The following DLGAP4 variants were observed in gnomAD, a reference collection of about 807,000 sequenced individuals.
DLGAP4 encodes the protein disks large-associated protein 4.
DLGAP4 carries 18 observed loss-of-function variants against 86.9 expected under a neutral mutation model. The observed-to-expected ratio is 0.21, with a 90% CI of 0.14 to 0.31. The LOEUF (loss-of-function observed/expected upper bound fraction) is 0.31, where lower values mean the gene tolerates loss of function less well. Ranked by LOEUF, DLGAP4 falls within the 10% of genes least tolerant of loss-of-function variation. The pLI is 1.00. For missense variants in DLGAP4, 1,085 were observed against 1,362.6 expected (o/e 0.80, Z 3.21); for synonymous variants, 548 against 574.3 (o/e 0.95, Z 0.65).
chr20:36,467,070 C>CTT, intron 7 of DLGAP4, among the ~76,000 whole-genome samples: 1 of 137,210 alleles, frequency 7.3e-6, no homozygotes, highest in African/African-American at 2.7e-5. Context: ...CTCTCCCCCC[C>CTT]CCTTCTCTCG....
intron 7 of DLGAP4, chr20:36,461,472 A>C: frequency 1.0e-6 from 1 of 980,884 alleles, no homozygotes; most frequent in African/African-American, 1.8e-5. Flanking sequence ...TCGGGCGTAC[A>C]AAACCGGAGC....
At chr20:36,363,810 A>G (rs1555894415) in intron 1 of DLGAP4, among the ~76,000 whole-genome samples, 1 of 152,180 alleles carries the variant, frequency 6.6e-6, no homozygotes, top group African/African-American at 2.4e-5. Context: ...CATTTATTCA[A>G]TCAACAAACA....
At chr20:36,452,588 C>T in intron 7 of DLGAP4, among the ~76,000 whole-genome samples, 1 of 151,402 alleles carries the variant, frequency 6.6e-6, no homozygotes, top group Non-Finnish European at 1.5e-5. Context: ...CAACTCACTG[C>T]AATCTCCACT....
intron 1 of DLGAP4, among the ~76,000 whole-genome samples, chr20:36,320,975 G>A (rs548032242): frequency 6.6e-6 from 1 of 152,348 alleles, no homozygotes; most frequent in East Asian, 1.9e-4. Flanking sequence ...CAGCAAACGA[G>A]GATTTGAGCC....
At chr20:36,480,796 A>G (rs185706830) in intron 7 of DLGAP4, among the ~76,000 whole-genome samples, 60 of 152,324 alleles carry the variant, frequency 3.9e-4, no homozygotes, top group African/African-American at 1.4e-3. Context: ...GCTTAAGCCC[A>G]GGAGTTCTAG....
At chr20:36,485,351 C>CAAAAAAA (rs548217372) in intron 7 of DLGAP4, among the ~76,000 whole-genome samples, 1 of 75,756 alleles carries the variant, frequency 1.3e-5, no homozygotes, top group Non-Finnish European at 3.0e-5. Flanking sequence ...GACCCTGTCC[C>CAAAAAAA]AAAAAAAAAA....
In DLGAP4 at chr20:36,311,293, C is replaced by T. The variant is rs981174733; in HGVS notation, c.-304+4781C>T. On this transcript the variant is annotated intron_variant, in intron 1 of 12. Transcript: ENST00000339266. ...CACTGGGTCCTTGCAGGGAGGGCAG[C>T]GTTTAGGGGCTTCTCACTTGCAGAT... 7.3e-3 allele frequency among the ~76,000 whole-genome samples: 1,114 copies of T among 152,118 alleles called. 17 individuals are homozygous for T. Among genetic ancestry groups the T allele is most frequent in the African/African-American group, 0.026 (1,062 of 41,428 alleles).
intron 7 of DLGAP4, among the ~76,000 whole-genome samples, chr20:36,471,214 C>T (rs1002710445): frequency 6.6e-6 from 1 of 152,254 alleles, no homozygotes; most frequent in East Asian, 1.9e-4. Flanking sequence ...CCTTGCCGGG[C>T]GCGATGGCTC....
chr20:36,467,029 T>TCTCC (rs2034420739), intron 7 of DLGAP4, among the ~76,000 whole-genome samples: 5 of 103,170 alleles, frequency 4.8e-5, no homozygotes, highest in African/African-American at 2.1e-4. Context: ...TCTCTCTCTC[T>TCTCC]CTCTCTCTCT....
At position 36,496,744 on chromosome 20, in the gene DLGAP4, C is replaced by T. The variant is rs2035905196; in HGVS notation, c.1688C>T (p.Pro563Leu). The change falls in exon 8 of 13, where the codon CCG (proline) becomes CTG (leucine). Residue 563 changes from proline (P) to leucine (L), a missense_variant. Around this residue, in one of 2 missense-constraint regions of DLGAP4, gnomAD observed 1,082 missense variants for 1,344.1 expected, o/e 0.81. Transcript: ENST00000339266. ...CLVAYKKTPP[P>L]VPPRTTSKPF... is the part of the protein sequence containing the mutation. Reference sequence around the variant, plus strand: ...GTGGCGTATAAGAAGACCCCGCCACCGGTCCCTCCACGCACCACTTCAAAG... The same window carrying T: ...GTGGCGTATAAGAAGACCCCGCCACTGGTCCCTCCACGCACCACTTCAAAG... 6.8e-6 allele frequency: 11 copies of T among 1,609,190 alleles called. No individual in the cohort carries two copies. Among genetic ancestry groups the T allele is most frequent in the Non-Finnish European group, 8.5e-6 (10 of 1,175,850 alleles).
intron 10 of DLGAP4, among the ~76,000 whole-genome samples, chr20:36,509,595 A>AATC (rs1402264853): frequency 6.6e-6 from 1 of 151,456 alleles, no homozygotes; most frequent in Non-Finnish European, 1.5e-5. Flanking sequence ...TAATAATAAT[A>AATC]ATAAATTAGC....
chr20:36,469,221 C>A (rs767796176), intron 7 of DLGAP4, among the ~76,000 whole-genome samples: 1 of 152,158 alleles, frequency 6.6e-6, no homozygotes, highest in African/African-American at 2.4e-5. Context: ...CACTGACAGA[C>A]AGAGCTGCCT....
chr20:36,334,278 G>C (rs1555891872), intron 1 of DLGAP4, among the ~76,000 whole-genome samples: 4 of 152,170 alleles, frequency 2.6e-5, no homozygotes, highest in Non-Finnish European at 5.9e-5. Flanking sequence ...GACTTTTCAG[G>C]GGGTATTACT....
intron 7 of DLGAP4, among the ~76,000 whole-genome samples, chr20:36,452,210 C>T (rs1396249210): frequency 6.6e-6 from 1 of 151,992 alleles, no homozygotes; most frequent in East Asian, 1.9e-4. Context: ...ACAGGATCTC[C>T]ATGTGTCACC....
intron 2 of DLGAP4, among the ~76,000 whole-genome samples, chr20:36,417,202 G>A (rs940634206): frequency 6.6e-6 from 1 of 152,134 alleles, no homozygotes; most frequent in African/African-American, 2.4e-5. Flanking sequence ...GTTTAATCAG[G>A]GATCTAAATC....
chr20:36,364,988 A>T (rs1477382497), intron 1 of DLGAP4, among the ~76,000 whole-genome samples: 8 of 152,124 alleles, frequency 5.3e-5, no homozygotes, highest in Non-Finnish European at 1.0e-4. Flanking sequence ...CCAGCTACTC[A>T]GGAGGCTGAG....
chr20:36,362,209 G>A (rs1158489129), intron 1 of DLGAP4, among the ~76,000 whole-genome samples: 2 of 151,386 alleles, frequency 1.3e-5, no homozygotes, highest in Non-Finnish European at 2.9e-5. Context: ...GCAGTGAGCC[G>A]AGATCACACC....
chr20:36,472,721 T>G (rs921774584), intron 7 of DLGAP4, among the ~76,000 whole-genome samples: 8 of 152,072 alleles, frequency 5.3e-5, no homozygotes, highest in Non-Finnish European at 7.4e-5. Context: ...AAAGTTTCAC[T>G]TTGGGGTTAA....
At chr20:36,480,458 A>C (rs1229010159) in intron 7 of DLGAP4, among the ~76,000 whole-genome samples, 1 of 152,192 alleles carries the variant, frequency 6.6e-6, no homozygotes, top group East Asian at 1.9e-4. Flanking sequence ...TAATCCCAGC[A>C]CTTGGAAGAC....
Sources: allele counts gnomAD v4.1 joint callset (sites outside exome capture counted in the v4.1 genomes callset), GRCh38; gene constraint gnomAD v4.1.1; regional missense constraint gnomAD v4.1.1; transcripts MANE v1.5; gene names NCBI Gene and HGNC (gene_info 2026-07-23, HGNC 2026-07-21).